ZFHX3: variants seen among roughly 807,000 people sequenced by gnomAD.
ZFHX3 encodes zinc finger homeobox protein 3.
A neutral mutation model predicts 279.1 loss-of-function variants in ZFHX3; 42 were observed. The observed-to-expected ratio is 0.15, with a 90% CI of 0.12 to 0.19. The LOEUF is 0.19. Among genes scored for constraint, ZFHX3 ranks in the 10% least tolerant of loss-of-function variants. ZFHX3 has a pLI of 1.00. For synonymous variants in ZFHX3, 2,293 were observed against 1,957.8 expected (o/e 1.17, Z -4.52); for missense variants, 4,981 against 4,754.0 (o/e 1.05, Z -1.40).
At chr16:73,363,758 T>G (rs1387622071) in intron 3 of ZFHX3, among the ~76,000 whole-genome samples, 1 of 152,164 alleles carries the variant, frequency 6.6e-6, no homozygotes, top group Non-Finnish European at 1.5e-5. Flanking sequence ...CATTTCGCAC[T>G]ATGCTCACCC....
chr16:73,139,311 C>A (rs988905194), intron 6 of ZFHX3, among the ~76,000 whole-genome samples: 1 of 152,212 alleles, frequency 6.6e-6, no homozygotes, highest in Admixed American at 6.5e-5. Context: ...AGTATACATA[C>A]TATGATACCA....
rs2035565724 is a variant in ZFHX3, at chr16:72,788,654, G to C, written c.9622C>G (p.Gln3208Glu). 6 of 1,613,606 alleles carry C rather than the reference G, an allele frequency of 3.7e-6. No individual in the cohort carries two copies. The highest frequency in any genetic ancestry group is 5.1e-6 in the Non-Finnish European group (6 of 1,179,794). ...QQQQQQQPQV[Q>E]QPPPPPAAQP... ...GCTGCTGGCGGCGGGGGAGGCTGCTGCACCTGTGGTTGCTGCTGCTGCTGC... is the reference window on the plus strand; with the variant it reads ...GCTGCTGGCGGCGGGGGAGGCTGCTCCACCTGTGGTTGCTGCTGCTGCTGC... The change falls in exon 10 of 10, where the codon CAG (glutamine) becomes GAG (glutamate). Residue 3208 changes from glutamine (Q) to glutamate (E), a missense_variant. By Grantham distance (29) the Gln-to-Glu change is conservative. Transcript: ENST00000268489.
chr16:73,546,535 T>C (rs553190357), intron 2 of ZFHX3, among the ~76,000 whole-genome samples: 1 of 151,764 alleles, frequency 6.6e-6, no homozygotes, highest in Admixed American at 6.6e-5. Flanking sequence ...AGCAATCAGA[T>C]GGGGAGCATT....
At chr16:73,817,094 G>C (rs1960596183) in intron 1 of ZFHX3, among the ~76,000 whole-genome samples, 1 of 152,148 alleles carries the variant, frequency 6.6e-6, no homozygotes. Context: ...GAAGGAGAAG[G>C]AGTAATTAGG....
intron 2 of ZFHX3, among the ~76,000 whole-genome samples, chr16:73,509,155 G>A (rs1234517100): frequency 6.6e-6 from 1 of 152,116 alleles, no homozygotes; most frequent in Non-Finnish European, 1.5e-5. Context: ...TGATCACAAC[G>A]GTGACTACTG....
chr16:73,184,697 T>C (rs1419475746), intron 5 of ZFHX3, among the ~76,000 whole-genome samples: 1 of 152,154 alleles, frequency 6.6e-6, no homozygotes, highest in African/African-American at 2.4e-5. Flanking sequence ...CCTGGCATCT[T>C]TAATTAAAAG....
At chr16:73,772,179 T>G (rs1293025215) in intron 1 of ZFHX3, among the ~76,000 whole-genome samples, 1 of 152,168 alleles carries the variant, frequency 6.6e-6, no homozygotes, top group African/African-American at 2.4e-5. Flanking sequence ...GGAATTGCTG[T>G]GTGTACTAGT....
At chr16:73,412,536 A>C in intron 3 of ZFHX3, among the ~76,000 whole-genome samples, 1 of 151,130 alleles carries the variant, frequency 6.6e-6, no homozygotes, top group African/African-American at 2.4e-5. Flanking sequence ...CTTTCCCTCC[A>C]TCATCCACCT....
upstream of ZFHX3, among the ~76,000 whole-genome samples, chr16:73,064,295 T>C (rs1597144866): frequency 6.6e-6 from 1 of 152,108 alleles, no homozygotes; most frequent in African/African-American, 2.4e-5. Context: ...TGACTCTCAC[T>C]CCAGCTACCA....
At chr16:73,202,700 G>A (rs1031476470) in intron 5 of ZFHX3, among the ~76,000 whole-genome samples, 8 of 152,066 alleles carry the variant, frequency 5.3e-5, no homozygotes, top group African/African-American at 1.2e-4. Context: ...TCCACTGCTC[G>A]TTGGCCTTCT....
intron 5 of ZFHX3, among the ~76,000 whole-genome samples, chr16:73,255,003 T>C (rs1351266913): frequency 1.3e-5 from 2 of 152,208 alleles, no homozygotes; most frequent in Admixed American, 1.3e-4. Context: ...CTATGCACTT[T>C]CTATTGCACT....
chr16:73,430,149 C>G (rs1486648313), intron 3 of ZFHX3, among the ~76,000 whole-genome samples: 1 of 152,104 alleles, frequency 6.6e-6, no homozygotes, highest in Non-Finnish European at 1.5e-5. Flanking sequence ...TTTGGCCTCT[C>G]AAAGCACTGG....
At chr16:73,234,715 C>A (rs2144935351) in intron 5 of ZFHX3, among the ~76,000 whole-genome samples, 1 of 152,310 alleles carries the variant, frequency 6.6e-6, no homozygotes, top group East Asian at 1.9e-4. Flanking sequence ...ACTTTATCTT[C>A]CTAACTGTAA....
chr16:73,649,267 A>G (rs950152542), intron 2 of ZFHX3, among the ~76,000 whole-genome samples: 1 of 152,140 alleles, frequency 6.6e-6, no homozygotes, highest in African/African-American at 2.4e-5. Flanking sequence ...TAAAGCTTGC[A>G]ATGTCTTAGA....
At chr16:73,630,596 T>G (rs2052459554) in intron 2 of ZFHX3, among the ~76,000 whole-genome samples, 1 of 152,168 alleles carries the variant, frequency 6.6e-6, no homozygotes, top group Admixed American at 6.5e-5. Context: ...TGCCACCACA[T>G]TTTACCAACA....
chr16:73,159,076 A>G (rs1283148615), intron 5 of ZFHX3, among the ~76,000 whole-genome samples: 1 of 152,234 alleles, frequency 6.6e-6, no homozygotes, highest in African/African-American at 2.4e-5. Context: ...AAAATTGACA[A>G]ATGAGATCTA....
At chr16:73,714,344 A>C (rs1036264507) in intron 1 of ZFHX3, among the ~76,000 whole-genome samples, 1 of 152,128 alleles carries the variant, frequency 6.6e-6, no homozygotes, top group African/African-American at 2.4e-5. Context: ...GATGTCAGAC[A>C]ACATTTCCCT....
chr16:73,091,550 T>A (rs1597153427), intron 8 of ZFHX3, among the ~76,000 whole-genome samples: 1 of 152,338 alleles, frequency 6.6e-6, no homozygotes, highest in East Asian at 1.9e-4. Context: ...CCCTAGCATC[T>A]CAGAGACTGA....
At chr16:72,789,272 TCCAG>T (rs2035598139) in intron 9 of ZFHX3, 1 of 160,736 alleles carries the variant, frequency 6.2e-6, no homozygotes, top group African/African-American at 2.4e-5. Flanking sequence ...TACTTCCCCT[TCCAG>T]CCAAACAACT....
Sources: allele counts gnomAD v4.1 joint callset (sites outside exome capture counted in the v4.1 genomes callset), GRCh38; gene constraint gnomAD v4.1.1; transcripts MANE v1.5; gene names NCBI Gene and HGNC (gene_info 2026-07-23, HGNC 2026-07-21).